Variants in TC2N observed in about 807,000 individuals in gnomAD.
TC2N encodes the protein tandem C2 domains nuclear protein.
A neutral mutation model predicts 61.9 loss-of-function variants in TC2N; 51 were observed. That is an observed-to-expected ratio of 0.82 (90% CI 0.66 to 1.04). TC2N has a LOEUF of 1.04. TC2N is among the 50% of genes least tolerant of loss of function. The probability of loss-of-function intolerance (pLI) is 0.00; values close to 1 mark genes in which losing one functional copy is unlikely to be tolerated. For synonymous variants in TC2N, 204 were observed against 192.6 expected (o/e 1.06, Z -0.49); for missense variants, 556 against 566.7 (o/e 0.98, Z 0.19).
intron 3 of TC2N, among the ~76,000 whole-genome samples, chr14:91,810,413 G>T (rs1275352839): frequency 1.3e-5 from 2 of 152,128 alleles, no homozygotes; most frequent in African/African-American, 4.8e-5. Flanking sequence ...GAGGATGGGA[G>T]AAAGGGAGGA....
At chr14:91,862,339 C>CAAAAAAAAAAA (rs56816512) in intron 1 of TC2N, among the ~76,000 whole-genome samples, 7 of 106,488 alleles carry the variant, frequency 6.6e-5, no homozygotes, top group African/African-American at 2.3e-4. Flanking sequence ...GACTCTGTCT[C>CAAAAAAAAAAA]AAAAAAAAAA....
intron 1 of TC2N, among the ~76,000 whole-genome samples, chr14:91,853,203 C>T (rs1238677684): frequency 6.6e-6 from 1 of 152,126 alleles, no homozygotes; most frequent in Non-Finnish European, 1.5e-5. Context: ...ACTGATTTCA[C>T]CTTAGTACAG....
chr14:91,853,585 A>G (rs1461993462), intron 1 of TC2N, among the ~76,000 whole-genome samples: 2 of 152,174 alleles, frequency 1.3e-5, no homozygotes, highest in Non-Finnish European at 2.9e-5. Context: ...AAATTGAGTC[A>G]AAAGTAAGAG....
At chr14:91,852,406 G>A (rs1044828661) in intron 1 of TC2N, among the ~76,000 whole-genome samples, 1 of 152,094 alleles carries the variant, frequency 6.6e-6, no homozygotes, top group African/African-American at 2.4e-5. Flanking sequence ...ACTCCAGCCT[G>A]GGCAACAACA....
chr14:91,841,943 A>T (rs557883790), intron 1 of TC2N, among the ~76,000 whole-genome samples: 47 of 148,194 alleles, frequency 3.2e-4, no homozygotes, highest in African/African-American at 9.4e-4. Context: ...CAATAAGATT[A>T]TGCAGATTGT....
At chr14:91,846,468 T>C (rs1413682090) in intron 1 of TC2N, among the ~76,000 whole-genome samples, 1 of 152,070 alleles carries the variant, frequency 6.6e-6, no homozygotes. Flanking sequence ...TGCACTGGCT[T>C]CACAGGAGCT....
rs535302942 is a variant in TC2N, at chr14:91,823,355, T to C, written c.-56-9530A>G. Among the ~76,000 whole-genome samples, 20 of 151,660 alleles carry C rather than the reference T, an allele frequency of 1.3e-4. No homozygotes were observed. In the South Asian group the frequency reaches 3.8e-3, roughly 29 times the overall value. ...GACCAACCTGAAGAAACCCCATCTC[T>C]ACTAAAAATAAAAAATTAGTTGGGC... On this transcript the variant is annotated intron_variant, in intron 1 of 11. Transcript: ENST00000435962.
intron 1 of TC2N, among the ~76,000 whole-genome samples, chr14:91,856,947 T>A (rs1595279328): frequency 6.6e-6 from 1 of 152,222 alleles, no homozygotes; most frequent in East Asian, 1.9e-4. Flanking sequence ...TGTTTTCAGA[T>A]CACTTGAGAT....
chr14:91,828,970 A>T (rs1180420790), intron 1 of TC2N, among the ~76,000 whole-genome samples: 2 of 151,908 alleles, frequency 1.3e-5, no homozygotes, highest in Non-Finnish European at 2.9e-5. Context: ...ATTTTCTTTA[A>T]GACAAAAATA....
intron 1 of TC2N, among the ~76,000 whole-genome samples, chr14:91,840,159 C>T (rs888383555): frequency 3.9e-5 from 6 of 152,180 alleles, no homozygotes; most frequent in Non-Finnish European, 7.3e-5. Context: ...TGATTGGCTT[C>T]ATAGAACAAA....
intron 6 of TC2N, among the ~76,000 whole-genome samples, chr14:91,798,682 G>A (rs1886045090): frequency 6.6e-6 from 1 of 151,806 alleles, no homozygotes; most frequent in Non-Finnish European, 1.5e-5. Context: ...ACATTTATAT[G>A]GCCTTAATAC....
chr14:91,856,687 A>T (rs889573408), intron 1 of TC2N, among the ~76,000 whole-genome samples: 1 of 152,138 alleles, frequency 6.6e-6, no homozygotes, highest in Non-Finnish European at 1.5e-5. Context: ...TCTGCACCAC[A>T]GGCCTTTAGA....
chr14:91,813,666 G>A (rs767585624), intron 2 of TC2N, 37 bp downstream of exon 2: 28 of 1,400,728 alleles, frequency 2.0e-5, no homozygotes, highest in Non-Finnish European at 2.7e-5. Flanking sequence ...TGAAGAAGAT[G>A]CTACATAAAT....
At chr14:91,794,460 G>C (rs148891089) in intron 8 of TC2N, among the ~76,000 whole-genome samples, 87 of 152,244 alleles carry the variant, frequency 5.7e-4, no homozygotes, top group African/African-American at 1.8e-3. Flanking sequence ...TCTCTTGTTA[G>C]GGGCTAATGC....
chr14:91,826,852 C>T (rs1331926401), intron 1 of TC2N, among the ~76,000 whole-genome samples: 2 of 152,130 alleles, frequency 1.3e-5, no homozygotes, highest in Non-Finnish European at 2.9e-5. Flanking sequence ...ACCCTGAAAA[C>T]AATTTTGTCT....
intron 1 of TC2N, among the ~76,000 whole-genome samples, chr14:91,853,653 CACACACACACA>C (rs1888420542): frequency 1.0e-3 from 1 of 970 alleles, no homozygotes; most frequent in African/African-American, 2.2e-3. Context: ...TTAAAGTACA[CACACACACACA>C]CACACACACA....
At chr14:91,794,100 AG>A (rs764391813) in intron 8 of TC2N, among the ~76,000 whole-genome samples, 31 of 152,184 alleles carry the variant, frequency 2.0e-4, no homozygotes, top group Non-Finnish European at 3.7e-4. Flanking sequence ...CATTCCCTTA[AG>A]CCAAAACCTA....
rs1566766565 is a variant in TC2N at position 91,800,273 on chromosome 14, T to TA, written c.561+7dup. On this transcript the variant is annotated splice_region_variant and intron_variant, in intron 5 of 11. Coordinates refer to ENST00000435962, the MANE Select transcript of TC2N (RefSeq NM_001128596.3). The stretch of plus-strand genomic sequence containing the variant: ...TCACATATAATTAAATTTATGTAGA[T>TA]AATTCACCTGGATGAATCGCTGAGA... The TA allele has an allele frequency of 6.5e-7, 1 of 1,539,588 alleles. No individual in the cohort carries two copies. The highest frequency in any genetic ancestry group is 1.2e-5 in the South Asian group (1 of 83,904).
chr14:91,803,377 A>C (rs1457324440), intron 3 of TC2N, among the ~76,000 whole-genome samples: 1 of 126,416 alleles, frequency 7.9e-6, no homozygotes, highest in Non-Finnish European at 1.6e-5. Flanking sequence ...ATACATACAT[A>C]TATACACACA....
Sources: allele counts gnomAD v4.1 joint callset (sites outside exome capture counted in the v4.1 genomes callset), GRCh38; gene constraint gnomAD v4.1.1; transcripts MANE v1.5; gene names NCBI Gene and HGNC (gene_info 2026-07-23, HGNC 2026-07-21).